Variants in TASP1 observed in about 807,000 individuals in gnomAD.
TASP1 encodes the protein taspase 1.
In TASP1, 16 loss-of-function variants were observed where a neutral mutation model predicts 56.6. The ratio of observed to expected loss-of-function variants is 0.28; its 90% CI spans 0.19 to 0.43. The LOEUF (loss-of-function observed/expected upper bound fraction) is 0.43, where lower values mean the gene tolerates loss of function less well. Ranked by LOEUF, TASP1 falls within the 20% of genes least tolerant of loss-of-function variation. The pLI is 1.00. For missense variants in TASP1, 393 were observed against 511.6 expected, an observed-to-expected ratio of 0.77 and a Z score of 2.24; for synonymous variants, 179 against 184.2, an observed-to-expected ratio of 0.97 and a Z score of 0.23.
At chr20:13,532,231 T>G (rs1219431294) in intron 9 of TASP1, among the ~76,000 whole-genome samples, 1 of 152,218 alleles carries the variant, frequency 6.6e-6, no homozygotes, top group Non-Finnish European at 1.5e-5. Context: ...CCATCTGCAC[T>G]GCTATCACAT....
At chr20:13,547,922 G>A (rs2045863092) in intron 8 of TASP1, among the ~76,000 whole-genome samples, 1 of 152,132 alleles carries the variant, frequency 6.6e-6, no homozygotes, top group Admixed American at 6.5e-5. Flanking sequence ...TCTACTGGAA[G>A]ATAAAGACAT....
chr20:13,608,719 A>G (rs1327444249), intron 4 of TASP1, among the ~76,000 whole-genome samples: 4 of 152,266 alleles, frequency 2.6e-5, no homozygotes, highest in Non-Finnish European at 5.9e-5. Flanking sequence ...AGGCCATTCA[A>G]AACCAGGCAT....
chr20:13,562,407 G>A (rs184750266), intron 7 of TASP1, among the ~76,000 whole-genome samples: 135 of 151,608 alleles, frequency 8.9e-4, no homozygotes, highest in Non-Finnish European at 1.9e-4. Context: ...TCAGAGTGGA[G>A]ATAAATAAAA....
the TASP1 span, among the ~76,000 whole-genome samples, chr20:13,136,786 C>G: frequency 6.7e-6 from 1 of 149,082 alleles, no homozygotes; most frequent in Non-Finnish European, 1.5e-5. Context: ...AATAACAATG[C>G]AATATTTTCT....
At chr20:13,378,720 T>A in the TASP1 span, among the ~76,000 whole-genome samples, 1 of 152,202 alleles carries the variant, frequency 6.6e-6, no homozygotes, top group Non-Finnish European at 1.5e-5. Flanking sequence ...AGTCTCTTTG[T>A]AGGTCTCTAG....
chr20:13,207,036 G>A, the TASP1 span, among the ~76,000 whole-genome samples: 6 of 152,164 alleles, frequency 3.9e-5, no homozygotes, highest in Non-Finnish European at 8.8e-5. Context: ...ATAGGAACCT[G>A]CATCATGGAG....
At chr20:13,510,711 G>C (rs1324760067) in intron 10 of TASP1, among the ~76,000 whole-genome samples, 1 of 151,862 alleles carries the variant, frequency 6.6e-6, no homozygotes, top group Non-Finnish European at 1.5e-5. Flanking sequence ...TATATTCCTC[G>C]GGCATTCAGG....
intron 11 of TASP1, among the ~76,000 whole-genome samples, chr20:13,450,630 C>A (rs930131979): frequency 2.0e-5 from 3 of 152,074 alleles, no homozygotes; most frequent in African/African-American, 7.2e-5. Context: ...TGCAGCAATT[C>A]AGTCACATCT....
the TASP1 span, among the ~76,000 whole-genome samples, chr20:13,284,931 G>C: frequency 1.3e-5 from 2 of 152,216 alleles, no homozygotes; most frequent in African/African-American, 2.4e-5. Context: ...CAGCTGTCTA[G>C]AGAGTATATT....
intron 9 of TASP1, among the ~76,000 whole-genome samples, chr20:13,529,195 G>C (rs2045114158): frequency 6.6e-6 from 1 of 152,182 alleles, no homozygotes; most frequent in African/African-American, 2.4e-5. Flanking sequence ...TTTGTTAGGT[G>C]GTGGAGCAGA....
the TASP1 span, among the ~76,000 whole-genome samples, chr20:13,290,899 A>G: frequency 5.3e-5 from 8 of 152,368 alleles, no homozygotes; most frequent in East Asian, 1.5e-3. Flanking sequence ...CACAGAAAGC[A>G]AGTGATCAAC....
At chr20:13,282,975 A>C in the TASP1 span, among the ~76,000 whole-genome samples, 1 of 152,200 alleles carries the variant, frequency 6.6e-6, no homozygotes, top group Non-Finnish European at 1.5e-5. Context: ...TCTGGAATTC[A>C]TCTTTTCCGG....
chr20:13,568,180 C>T (rs1418546217), intron 7 of TASP1, among the ~76,000 whole-genome samples: 1 of 152,094 alleles, frequency 6.6e-6, no homozygotes, highest in Non-Finnish European at 1.5e-5. Context: ...CAAGGTCTCG[C>T]TCTGTCACAC....
intron 4 of TASP1, among the ~76,000 whole-genome samples, chr20:13,621,024 A>G (rs6042257): frequency 1 from 151,653 of 152,370 alleles, 75,472 homozygotes; most frequent in East Asian, 1. Context: ...AATTCTTCCA[A>G]TTAGTGTAAG....
the TASP1 span, among the ~76,000 whole-genome samples, chr20:13,334,067 AC>A: frequency 6.6e-6 from 1 of 152,228 alleles, no homozygotes; most frequent in African/African-American, 2.4e-5. Flanking sequence ...TACCATGGGA[AC>A]ACGTAAGGAT....
chr20:13,565,060 ATGC>A, intron 7 of TASP1, among the ~76,000 whole-genome samples: 1 of 152,044 alleles, frequency 6.6e-6, no homozygotes, highest in South Asian at 2.1e-4. Flanking sequence ...ACACAGAAAA[ATGC>A]AATAGATTAA....
chr20:13,513,498 C>T (rs2044414068), intron 10 of TASP1, among the ~76,000 whole-genome samples: 1 of 151,968 alleles, frequency 6.6e-6, no homozygotes, highest in Non-Finnish European at 1.5e-5. Flanking sequence ...TTTAGCTCAT[C>T]TCAGGCTTCA....
the TASP1 span, chr20:13,166,037 T>C: frequency 1.3e-5 from 2 of 152,598 alleles, no homozygotes; most frequent in Non-Finnish European, 2.9e-5. Flanking sequence ...CTGATCTAGT[T>C]TGTATGGAAA....
chr20:13,480,876 C>T (rs1027064554), intron 11 of TASP1, among the ~76,000 whole-genome samples: 3 of 152,214 alleles, frequency 2.0e-5, no homozygotes, highest in Admixed American at 6.5e-5. Flanking sequence ...TGTTTTGATA[C>T]AGGAATGCAA....
Sources: gnomAD v4.1 joint callset for allele counts (sites outside exome capture counted in the v4.1 genomes callset) on GRCh38, gnomAD v4.1.1 for gene constraint, MANE v1.5 for transcripts, NCBI Gene and HGNC (gene_info 2026-07-23, HGNC 2026-07-21) for gene names.